Variants in NPIPA1 observed in about 807,000 individuals in gnomAD.
NPIPA1 encodes nuclear pore complex-interacting protein family member A1.
For missense variants in NPIPA1, 22 were observed against 232.2 expected, an observed-to-expected ratio of 0.09 and a Z score of 5.88; for synonymous variants, 7 against 88.0, an observed-to-expected ratio of 0.08 and a Z score of 5.15.
At chr16:14,946,512 A>G (rs1362297937) in intron 4 of NPIPA1, among the ~76,000 whole-genome samples, 15 of 149,600 alleles carry the variant, frequency 1.0e-4, no homozygotes, top group Non-Finnish European at 1.5e-4. Context: ...GTGAGCCACC[A>G]CACCCAGGCT....
intron 2 of NPIPA1, among the ~76,000 whole-genome samples, chr16:14,943,746 T>C (rs1331158135): frequency 6.6e-6 from 1 of 152,154 alleles, no homozygotes; most frequent in South Asian, 2.1e-4. Context: ...GTTGCTCTTT[T>C]CATCTTTTTA....
In NPIPA1 at chr16:14,942,825, T is replaced by G. The variant is rs1356956470; in HGVS notation, c.192+885T>G. Among the ~76,000 whole-genome samples the G allele has an allele frequency of 2.6e-5, 4 of 152,396 alleles. No individual in the cohort carries two copies. In the East Asian group the frequency reaches 7.7e-4, roughly 29 times the overall value. On this transcript the variant is annotated intron_variant, in intron 2 of 7. Coordinates refer to ENST00000328085, the MANE Select transcript of NPIPA1 (RefSeq NM_006985.4). ...TGTGGCATAATTTGTCTTTTGAGCC[T>G]TTTTTCCTTTGGGTAAGTTGAGCTC...
At chr16:14,946,665 G>A (rs1965894663) in intron 4 of NPIPA1, among the ~76,000 whole-genome samples, 1 of 141,266 alleles carries the variant, frequency 7.1e-6, no homozygotes, top group African/African-American at 2.6e-5. Context: ...TGGATTACAG[G>A]TGTGTGCCAC....
intron 2 of NPIPA1, among the ~76,000 whole-genome samples, chr16:14,943,216 G>A (rs574454241): frequency 6.6e-6 from 1 of 151,972 alleles, no homozygotes; most frequent in Admixed American, 6.6e-5. Context: ...GAGTATAATG[G>A]TGTGATCTCG....
intron 4 of NPIPA1, among the ~76,000 whole-genome samples, chr16:14,947,735 G>A (rs1347127085): frequency 1.3e-5 from 2 of 152,250 alleles, no homozygotes; most frequent in African/African-American, 4.8e-5. Context: ...GTTCTCATCT[G>A]AGATCAGAAG....
intron 4 of NPIPA1, among the ~76,000 whole-genome samples, chr16:14,947,235 T>C (rs1965911787): frequency 6.6e-6 from 1 of 152,258 alleles, no homozygotes; most frequent in African/African-American, 2.4e-5. Flanking sequence ...GTGAGATACT[T>C]GTTAAAAAAT....
intron 4 of NPIPA1, among the ~76,000 whole-genome samples, chr16:14,946,921 C>T (rs1751995503): frequency 3.3e-5 from 5 of 152,154 alleles, no homozygotes; most frequent in Admixed American, 3.3e-4. Context: ...TCTAGAACTC[C>T]TGACATCATG....
At chr16:14,940,258 G>T in intron 1 of NPIPA1, among the ~76,000 whole-genome samples, 2 of 67,884 alleles carry the variant, frequency 2.9e-5, no homozygotes, top group Non-Finnish European at 6.2e-5. Context: ...TCTCTTCATT[G>T]TATTTTTTTT....
intron 2 of NPIPA1, among the ~76,000 whole-genome samples, chr16:14,943,855 GAT>G (rs1356413840): frequency 3.3e-5 from 5 of 152,076 alleles, no homozygotes; most frequent in African/African-American, 1.2e-4. Flanking sequence ...GAATTTGAAA[GAT>G]ATTATTTCAG....
At chr16:14,940,353 T>C (rs1478973188) in intron 1 of NPIPA1, among the ~76,000 whole-genome samples, 3 of 152,024 alleles carry the variant, frequency 2.0e-5, no homozygotes, top group Admixed American at 1.3e-4. Flanking sequence ...TCTTTTACCA[T>C]GTGATATATA....
chr16:14,947,811 TTG>T (rs1389001366), intron 4 of NPIPA1, among the ~76,000 whole-genome samples: 2 of 152,238 alleles, frequency 1.3e-5, no homozygotes. Context: ...GAGTCAGGTT[TTG>T]TGTTTCTAGT....
At chr16:14,938,623 G>A (rs1965681425) in intron 1 of NPIPA1, among the ~76,000 whole-genome samples, 1 of 134,732 alleles carries the variant, frequency 7.4e-6, no homozygotes, top group Non-Finnish European at 1.6e-5. Context: ...GATCGCTTGG[G>A]CCCAGGAGCT....
intron 1 of NPIPA1, among the ~76,000 whole-genome samples, chr16:14,940,302 A>C (rs1437890948): frequency 2.7e-5 from 4 of 148,320 alleles, no homozygotes; most frequent in Admixed American, 6.8e-5. Flanking sequence ...TAAATGACAA[A>C]GATTCATATA....
chr16:14,938,955 A>G (rs1182514515), intron 1 of NPIPA1, among the ~76,000 whole-genome samples: 19 of 141,232 alleles, frequency 1.3e-4, no homozygotes, highest in Non-Finnish European at 2.4e-4. Flanking sequence ...CCATGTCTTG[A>G]CCTCGTGATC....
chr16:14,942,760 T>A (rs1419511991), intron 2 of NPIPA1, among the ~76,000 whole-genome samples: 2 of 152,258 alleles, frequency 1.3e-5, no homozygotes, highest in African/African-American at 4.8e-5. Context: ...GAGATCCGTA[T>A]GTCAAAAGTC....
At chr16:14,944,468 CAG>C (rs1337969330) in intron 2 of NPIPA1, among the ~76,000 whole-genome samples, 79 of 149,538 alleles carry the variant, frequency 5.3e-4, no homozygotes, top group Non-Finnish European at 9.4e-4. Flanking sequence ...TTCTAGAACT[CAG>C]AGAGCTGAAG....
chr16:14,948,687 GACTA>G (rs1965952745), intron 4 of NPIPA1, among the ~76,000 whole-genome samples: 1 of 144,680 alleles, frequency 6.9e-6, no homozygotes, highest in Non-Finnish European at 1.5e-5. Flanking sequence ...TAAAGAATAG[GACTA>G]ACTATGGAAC....
In NPIPA1 at chr16:14,951,741, A is replaced by C; in HGVS notation, c.769A>C (p.Ile257Leu). ...PPPPTQQHSI[I>L]DNSLSLKTPS... Reference sequence around the variant, plus strand: ...TCCTCCAACTCAACAACATTCTATAATTGATAACTCCCTGAGCCTCAAGAC... The same window carrying C: ...TCCTCCAACTCAACAACATTCTATACTTGATAACTCCCTGAGCCTCAAGAC... Residue 257 changes from isoleucine to leucine, a missense_variant, in exon 8 of 8, where the codon ATT becomes CTT. By Grantham distance (5) the Ile-to-Leu change is conservative. Transcript: ENST00000328085. The C allele has an allele frequency of 6.5e-7, 1 of 1,535,066 alleles. No individual in the cohort carries two copies. The highest frequency in any genetic ancestry group is 8.8e-7 in the Non-Finnish European group (1 of 1,140,274).
intron 4 of NPIPA1, among the ~76,000 whole-genome samples, chr16:14,948,040 CCT>C (rs1473000356): frequency 2.0e-5 from 3 of 152,218 alleles, no homozygotes; most frequent in Non-Finnish European, 4.4e-5. Flanking sequence ...TGTTTTCGTC[CCT>C]GTTTCCTAGC....
Sources: allele counts gnomAD v4.1 joint callset (sites outside exome capture counted in the v4.1 genomes callset), GRCh38; gene constraint gnomAD v4.1.1; transcripts MANE v1.5; gene names NCBI Gene and HGNC (gene_info 2026-07-23, HGNC 2026-07-21).